EXOC6B: variants seen among roughly 807,000 people sequenced by gnomAD.
EXOC6B encodes exocyst complex component 6B.
In EXOC6B, 54 loss-of-function variants were observed where a neutral mutation model predicts 113.5. The observed-to-expected ratio is 0.48, with a 90% CI of 0.38 to 0.60. The LOEUF (loss-of-function observed/expected upper bound fraction) is 0.60, where lower values mean the gene tolerates loss of function less well. Among genes scored for constraint, EXOC6B ranks in the 20% least tolerant of loss-of-function variants. The pLI is 0.00. For missense variants in EXOC6B, 797 were observed against 977.5 expected, an observed-to-expected ratio of 0.82 and a Z score of 2.46; for synonymous variants, 357 against 339.0, an observed-to-expected ratio of 1.05 and a Z score of -0.58.
intron 19 of EXOC6B, among the ~76,000 whole-genome samples, chr2:72,366,902 C>T (rs74536131): frequency 1.7e-4 from 26 of 150,648 alleles, no homozygotes; most frequent in East Asian, 3.9e-4. Context: ...AGTGGAATTG[C>T]GCTATAGTGT....
At chr2:72,619,674 A>G (rs2104170338) in intron 6 of EXOC6B, among the ~76,000 whole-genome samples, 1 of 152,278 alleles carries the variant, frequency 6.6e-6, no homozygotes, top group African/African-American at 2.4e-5. Flanking sequence ...GAAGAGGGGG[A>G]AATCTGGAAG....
At chr2:72,795,433 G>A (rs1198790323) in intron 1 of EXOC6B, among the ~76,000 whole-genome samples, 2 of 152,000 alleles carry the variant, frequency 1.3e-5, no homozygotes, top group Non-Finnish European at 2.9e-5. Context: ...AAAATTAGCC[G>A]GGCGTTGTGA....
intron 20 of EXOC6B, among the ~76,000 whole-genome samples, chr2:72,322,869 C>A (rs1290970011): frequency 6.6e-6 from 1 of 152,068 alleles, no homozygotes; most frequent in Non-Finnish European, 1.5e-5. Context: ...AAATGTAAGA[C>A]CTAAAAGCAT....
At chr2:72,286,549 C>A (rs149348348) in intron 20 of EXOC6B, among the ~76,000 whole-genome samples, 1 of 152,020 alleles carries the variant, frequency 6.6e-6, no homozygotes, top group Non-Finnish European at 1.5e-5. Context: ...AAAATTACTA[C>A]GTATGATACT....
In EXOC6B at chr2:72,559,534, G is replaced by T; in HGVS notation, c.847-13C>A. On this transcript the variant is annotated splice_polypyrimidine_tract_variant and intron_variant, in intron 7 of 21. Coordinates refer to ENST00000272427, the MANE Select transcript of EXOC6B (RefSeq NM_015189.3). ...GGGCCCCAGGTACCTGCAAACACAA[G>T]ATTATAACAAAAAAATTCAAACAAA... The T allele has an allele frequency of 6.2e-7, 1 of 1,603,588 alleles. No individual in the cohort carries two copies. The highest frequency in any genetic ancestry group is 1.7e-5 in the Admixed American group (1 of 57,954).
At chr2:72,773,201 A>T (rs1683504675) in intron 1 of EXOC6B, among the ~76,000 whole-genome samples, 1 of 135,852 alleles carries the variant, frequency 7.4e-6, no homozygotes, top group South Asian at 2.2e-4. Flanking sequence ...ATCATGACTC[A>T]CTGCAGCCTC....
At chr2:72,649,366 C>T (rs892436693) in intron 6 of EXOC6B, among the ~76,000 whole-genome samples, 2 of 152,058 alleles carry the variant, frequency 1.3e-5, no homozygotes, top group African/African-American at 4.8e-5. Flanking sequence ...GATTAGATTG[C>T]TTGTAACACA....
chr2:72,232,800 C>G (rs1213904936), intron 20 of EXOC6B, among the ~76,000 whole-genome samples: 1 of 152,166 alleles, frequency 6.6e-6, no homozygotes, highest in Non-Finnish European at 1.5e-5. Flanking sequence ...GGGCCAGGCG[C>G]AGTGGCTCAT....
chr2:72,254,406 T>A (rs1052355505), intron 20 of EXOC6B, among the ~76,000 whole-genome samples: 2 of 151,756 alleles, frequency 1.3e-5, no homozygotes, highest in Admixed American at 6.6e-5. Context: ...AAGGAAAGAG[T>A]CTCCCTTAGA....
intron 18 of EXOC6B, among the ~76,000 whole-genome samples, chr2:72,458,600 G>A (rs1697398775): frequency 6.6e-6 from 1 of 152,060 alleles, no homozygotes; most frequent in African/African-American, 2.4e-5. Flanking sequence ...TACAGCCTGA[G>A]TGGTAGAATC....
At chr2:72,759,898 G>A (rs1419997082) in intron 1 of EXOC6B, among the ~76,000 whole-genome samples, 1 of 152,106 alleles carries the variant, frequency 6.6e-6, no homozygotes, top group Non-Finnish European at 1.5e-5. Context: ...ACAAGCCAAA[G>A]CTTTTAATGT....
chr2:72,793,772 G>A (rs891318612), intron 1 of EXOC6B, among the ~76,000 whole-genome samples: 2 of 152,206 alleles, frequency 1.3e-5, no homozygotes, highest in African/African-American at 2.4e-5. Context: ...TAGAAGATGA[G>A]CTCCTTTTGC....
rs114474591 is a variant in EXOC6B, at chr2:72,482,042, C to T, written c.1666-1292G>A. On this transcript the variant is annotated intron_variant, in intron 16 of 21. Coordinates refer to ENST00000272427, the MANE Select transcript of EXOC6B (RefSeq NM_015189.3). ...AAGTGATTTTCTTTAGATCACACAG[C>T]CTAAATGAAACTAATACTACGTCCT... Among the ~76,000 whole-genome samples, 1,151 of 152,228 alleles carry T rather than the reference C, an allele frequency of 7.6e-3. 16 individuals carry two copies. The highest frequency in any genetic ancestry group is 0.025 in the African/African-American group (1,046 of 41,532).
rs182824059 is a variant in EXOC6B, at chr2:72,209,148, G to A, written c.2197-24961C>T. Among the ~76,000 whole-genome samples, 861 of 145,572 alleles carry A rather than the reference G, an allele frequency of 5.9e-3. 9 individuals carry two copies. Among genetic ancestry groups the A allele is most frequent in the African/African-American group, 0.02 (780 of 38,134 alleles). On this transcript the variant is annotated intron_variant, in intron 20 of 21. Transcript: ENST00000272427. ...TGAGACAGGAGAATCGCTTGAACCCGGGAGGCAGAGGTTGTGGTGAGCTGA... is the reference window on the plus strand; with the variant it reads ...TGAGACAGGAGAATCGCTTGAACCCAGGAGGCAGAGGTTGTGGTGAGCTGA...
chr2:72,260,617 C>T (rs908270244), intron 20 of EXOC6B, among the ~76,000 whole-genome samples: 4 of 152,090 alleles, frequency 2.6e-5, no homozygotes, highest in Admixed American at 1.3e-4. Context: ...CAGAAGACTC[C>T]GGCAAGGGGA....
chr2:72,774,413 A>G (rs1683576554), intron 1 of EXOC6B, among the ~76,000 whole-genome samples: 1 of 152,198 alleles, frequency 6.6e-6, no homozygotes, highest in Non-Finnish European at 1.5e-5. Flanking sequence ...AACATCAAAT[A>G]CTGGTGAGAA....
intron 6 of EXOC6B, among the ~76,000 whole-genome samples, chr2:72,617,586 G>A (rs767825289): frequency 6.6e-5 from 9 of 136,130 alleles, no homozygotes; most frequent in East Asian, 2.2e-4. Flanking sequence ...GCAAAGGCGC[G>A]ATCTCAGCTC....
At chr2:72,477,868 C>T (rs781752407) in intron 17 of EXOC6B, among the ~76,000 whole-genome samples, 7 of 152,100 alleles carry the variant, frequency 4.6e-5, no homozygotes, top group Admixed American at 6.6e-5. Context: ...TCTTTTTGGT[C>T]ATTTATTTTT....
At chr2:72,601,702 C>T (rs564716074) in intron 6 of EXOC6B, among the ~76,000 whole-genome samples, 1 of 152,068 alleles carries the variant, frequency 6.6e-6, no homozygotes. Flanking sequence ...AATTTATGTC[C>T]ACAAAAAAAC....
Sources: allele counts gnomAD v4.1 joint callset (sites outside exome capture counted in the v4.1 genomes callset), GRCh38; gene constraint gnomAD v4.1.1; transcripts MANE v1.5; gene names NCBI Gene and HGNC (gene_info 2026-07-23, HGNC 2026-07-21).